CYP7B1: variants seen among roughly 807,000 people sequenced by gnomAD.
CYP7B1 encodes cytochrome P450 family 7 subfamily B member 1, also known as cytochrome P450 7B1.
CYP7B1 carries 29 observed loss-of-function variants against 42.7 expected under a neutral mutation model. The ratio of observed to expected loss-of-function variants is 0.68; its 90% CI spans 0.51 to 0.93. The LOEUF (loss-of-function observed/expected upper bound fraction) is 0.93, where lower values mean the gene tolerates loss of function less well. Among genes scored for constraint, CYP7B1 ranks in the 40% least tolerant of loss-of-function variants. The probability of loss-of-function intolerance (pLI) is 0.00; values close to 1 mark genes in which losing one functional copy is unlikely to be tolerated. For missense variants in CYP7B1, 655 were observed against 600.5 expected (o/e 1.09, Z -0.95); for synonymous variants, 235 against 218.2 (o/e 1.08, Z -0.68).
rs541483696 is a variant in CYP7B1 at position 64,722,524 on chromosome 8, C to T, written c.122+75942G>A. ...GAAAAAATCTAACATAATTTTAATG[C>T]TTTTACTTTTGCATTGAAATTAGTG... On this transcript the variant is annotated intron_variant, in intron 1 of 5. Transcript: ENST00000310193. Among the ~76,000 whole-genome samples the T allele has an allele frequency of 1.1e-3, 171 of 151,928 alleles. 1 individual carries two copies. Among genetic ancestry groups the T allele is most frequent in the African/African-American group, 4.0e-3 (167 of 41,456 alleles).
intron 1 of CYP7B1, among the ~76,000 whole-genome samples, chr8:64,725,862 T>C (rs1807315768): frequency 6.6e-6 from 1 of 152,232 alleles, no homozygotes; most frequent in Non-Finnish European, 1.5e-5. Context: ...TCCTTCATCA[T>C]GCCCTGACCT....
chr8:64,753,613 A>ATC (rs1807763340), intron 1 of CYP7B1, among the ~76,000 whole-genome samples: 1 of 152,066 alleles, frequency 6.6e-6, no homozygotes. Flanking sequence ...AATAGACAAG[A>ATC]CTCTCGCCCT....
intron 1 of CYP7B1, among the ~76,000 whole-genome samples, chr8:64,682,821 T>C (rs1372745765): frequency 6.6e-6 from 1 of 152,206 alleles, no homozygotes; most frequent in Non-Finnish European, 1.5e-5. Context: ...TCCTGCTGCC[T>C]ATCCATCATC....
Position 64,596,626 on chromosome 8 carries a change from T to G in CYP7B1, c.*16A>C, listed in dbSNP as rs150784129. ...GGGTAATTTTGATAGATTTATTTTC[T>G]TTCCTTTTAGCTTCTCTAAGATTTC... On this transcript the variant is annotated 3_prime_UTR_variant, in exon 6 of 6. Coordinates refer to ENST00000310193, the MANE Select transcript of CYP7B1 (RefSeq NM_004820.5). The G allele has an allele frequency of 6.2e-7, 1 of 1,601,304 alleles. No individual in the cohort carries two copies. Among genetic ancestry groups the G allele is most frequent in the African/African-American group, 1.3e-5 (1 of 74,704 alleles).
At chr8:64,717,278 G>A (rs1017554737) in intron 1 of CYP7B1, among the ~76,000 whole-genome samples, 1 of 152,128 alleles carries the variant, frequency 6.6e-6, no homozygotes, top group African/African-American at 2.4e-5. Context: ...AGAGGGAAGG[G>A]AGATAAAACA....
At chr8:64,614,059 T>C (rs1366675563) in intron 4 of CYP7B1, among the ~76,000 whole-genome samples, 1 of 152,102 alleles carries the variant, frequency 6.6e-6, no homozygotes, top group Non-Finnish European at 1.5e-5. Context: ...TAAAGAAACT[T>C]GGAATATTGT....
intron 1 of CYP7B1, among the ~76,000 whole-genome samples, chr8:64,678,346 C>T (rs1260196785): frequency 6.6e-6 from 1 of 152,090 alleles, no homozygotes. Context: ...TTGATCCATA[C>T]TTAGAGAGGC....
At chr8:64,776,318 T>A (rs1467541134) in intron 1 of CYP7B1, among the ~76,000 whole-genome samples, 1 of 152,140 alleles carries the variant, frequency 6.6e-6, no homozygotes, top group East Asian at 1.9e-4. Flanking sequence ...TTGATAATTA[T>A]CTGTTCTAAA....
At chr8:64,692,798 T>C (rs1355530689) in intron 1 of CYP7B1, among the ~76,000 whole-genome samples, 1 of 152,228 alleles carries the variant, frequency 6.6e-6, no homozygotes, top group African/African-American at 2.4e-5. Context: ...TTATAGATGC[T>C]CTATAAATGT....
At chr8:64,627,049 T>A (rs986018300) in intron 1 of CYP7B1, among the ~76,000 whole-genome samples, 1 of 152,204 alleles carries the variant, frequency 6.6e-6, no homozygotes, top group Admixed American at 6.5e-5. Flanking sequence ...CAAGTTATGA[T>A]AGAAATAAAG....
chr8:64,741,472 A>T (rs1304932396), intron 1 of CYP7B1, among the ~76,000 whole-genome samples: 1 of 152,062 alleles, frequency 6.6e-6, no homozygotes. Context: ...GGCATGCACC[A>T]CCATGCCCAG....
At chr8:64,794,958 T>G (rs977742809) in intron 1 of CYP7B1, among the ~76,000 whole-genome samples, 3 of 152,046 alleles carry the variant, frequency 2.0e-5, no homozygotes, top group Admixed American at 2.0e-4. Flanking sequence ...TATTAAATAC[T>G]GGCAAGGATG....
chr8:64,605,582 A>G (rs1805266987), intron 4 of CYP7B1, among the ~76,000 whole-genome samples: 2 of 152,118 alleles, frequency 1.3e-5, no homozygotes, highest in Non-Finnish European at 2.9e-5. Flanking sequence ...TTATCCTGGC[A>G]GTTTGAGGAG....
intron 1 of CYP7B1, among the ~76,000 whole-genome samples, chr8:64,631,154 C>A (rs1055429809): frequency 1.6e-4 from 24 of 152,064 alleles, no homozygotes; most frequent in Non-Finnish European, 2.9e-5. Context: ...AAATTGCAGA[C>A]CAATACCTCT....
intron 1 of CYP7B1, among the ~76,000 whole-genome samples, chr8:64,718,658 G>A (rs759320117): frequency 5.3e-5 from 8 of 152,184 alleles, no homozygotes; most frequent in Non-Finnish European, 8.8e-5. Context: ...GAGGTTAGCC[G>A]ATGGCTGTTG....
intron 1 of CYP7B1, among the ~76,000 whole-genome samples, chr8:64,656,278 A>C (rs1806119493): frequency 6.6e-6 from 1 of 152,230 alleles, no homozygotes; most frequent in South Asian, 2.1e-4. Context: ...TTTTAGCTAG[A>C]TATTCTAGCC....
intron 1 of CYP7B1, among the ~76,000 whole-genome samples, chr8:64,751,299 A>C (rs1807721822): frequency 6.6e-6 from 1 of 152,180 alleles, no homozygotes; most frequent in South Asian, 2.1e-4. Context: ...AGACATACAG[A>C]GTCTTATCCA....
At position 64,599,427 on chromosome 8, in the gene CYP7B1, A is replaced by T. The variant is rs188008166; in HGVS notation, c.1234-2498T>A. 3.7e-4 allele frequency among the ~76,000 whole-genome samples: 57 copies of T among 152,266 alleles called. 1 individual carries two copies. The East Asian group carries it at 9.9e-3, about 26-fold the overall frequency. On this transcript the variant is annotated intron_variant, in intron 5 of 5. Coordinates refer to ENST00000310193, the MANE Select transcript of CYP7B1 (RefSeq NM_004820.5). ...ATGGTCTTGATCTCCTGACCTCGTG[A>T]TCCGCCGGCCTCGGCCTCCCAAAGT...
At chr8:64,739,597 AT>A (rs1807539708) in intron 1 of CYP7B1, among the ~76,000 whole-genome samples, 1 of 152,236 alleles carries the variant, frequency 6.6e-6, no homozygotes, top group African/African-American at 2.4e-5. Flanking sequence ...TGTGTAACAG[AT>A]GTATCATTAG....
Sources: gnomAD v4.1 joint callset for allele counts (sites outside exome capture counted in the v4.1 genomes callset) on GRCh38, gnomAD v4.1.1 for gene constraint, MANE v1.5 for transcripts, NCBI Gene and HGNC (gene_info 2026-07-23, HGNC 2026-07-21) for gene names.